CCSER1: variants seen among roughly 807,000 people sequenced by gnomAD.
The protein encoded by CCSER1 is serine-rich coiled-coil domain-containing protein 1.
CCSER1 carries 41 observed loss-of-function variants against 82.0 expected under a neutral mutation model. That is an observed-to-expected ratio of 0.50 (90% confidence interval 0.39 to 0.65). The LOEUF is 0.65. Among genes scored for constraint, CCSER1 ranks in the 30% least tolerant of loss-of-function variants. The pLI, the probability that CCSER1 is intolerant of heterozygous loss-of-function variation, is 0.00. For synonymous variants in CCSER1, 414 were observed against 383.9 expected, an observed-to-expected ratio of 1.08 and a Z score of -0.92; for missense variants, 1,119 against 1,064.2, an observed-to-expected ratio of 1.05 and a Z score of -0.72.
intron 10 of CCSER1, among the ~76,000 whole-genome samples, chr4:91,151,348 G>T (rs917966509): frequency 6.6e-6 from 1 of 151,852 alleles, no homozygotes; most frequent in Admixed American, 6.6e-5. Flanking sequence ...CATCTATTTT[G>T]TTCTTCTCTT....
Position 91,377,412 on chromosome 4 carries a change from T to C in CCSER1, c.2218-221160T>C, listed in dbSNP as rs573859983. ...TTCTCTACATCCTCTCCAGCACCTG[T>C]TGTTTCCTGACTTTTTAATGATCAC... is the stretch of plus-strand genomic sequence containing the variant. On this transcript the variant is annotated intron_variant, in intron 10 of 10. Transcript: ENST00000509176. Among the ~76,000 whole-genome samples, 139 of 152,250 alleles carry C rather than the reference T, an allele frequency of 9.1e-4. 1 individual carries two copies. The Middle Eastern group carries it at 0.014, about 15-fold the overall frequency.
At chr4:90,622,470 C>T (rs1279140742) in intron 5 of CCSER1, among the ~76,000 whole-genome samples, 1 of 152,122 alleles carries the variant, frequency 6.6e-6, no homozygotes, top group African/African-American at 2.4e-5. Context: ...TTCCTGTGTC[C>T]AAGTGTTCTC....
Position 90,991,746 on chromosome 4 carries a change from T to G in CCSER1, c.2172+68299T>G, listed in dbSNP as rs1737051507. Among the ~76,000 whole-genome samples the G allele has an allele frequency of 2.0e-5, 3 of 152,034 alleles. No homozygotes were observed. The South Asian group carries it at 6.2e-4, about 31-fold the overall frequency. ...GACTTAGGACTTCAACATATCTTTTTAGGAAACACAATTCAATCCACAACA... is the reference window on the plus strand; with the variant it reads ...GACTTAGGACTTCAACATATCTTTTGAGGAAACACAATTCAATCCACAACA... On this transcript the variant is annotated intron_variant, in intron 9 of 10. Transcript: ENST00000509176.
chr4:91,181,492 C>G (rs1247532517), intron 10 of CCSER1, among the ~76,000 whole-genome samples: 1 of 152,150 alleles, frequency 6.6e-6, no homozygotes, highest in Non-Finnish European at 1.5e-5. Flanking sequence ...TGTCAAGCTC[C>G]TAGAGTAGGC....
In CCSER1 at chr4:90,276,271, C is replaced by A. The variant is rs1229854311; in HGVS notation, c.-41-31973C>A. Among the ~76,000 whole-genome samples, 3 of 117,502 alleles carry A rather than the reference C, an allele frequency of 2.6e-5. No individual in the cohort carries two copies. The South Asian group carries it at 9.2e-4, about 36-fold the overall frequency. 77.1% of individuals were successfully genotyped at this position (117,502 alleles called of 152,430 possible). A position where few individuals can be genotyped will look rare whatever the true frequency, so the allele number is the denominator to read the frequency against. On this transcript the variant is annotated intron_variant, in intron 1 of 10. Transcript: ENST00000509176. ...CTTTCTTTCCTTCCTTCCTTCCTTC[C>A]TTCCTTCCTTCCTTCCTTCCTTCCT...
intron 10 of CCSER1, among the ~76,000 whole-genome samples, chr4:91,370,910 G>A (rs1376231522): frequency 2.6e-5 from 4 of 152,034 alleles, no homozygotes; most frequent in Non-Finnish European, 4.4e-5. Context: ...CGCCCAGGTT[G>A]GAGTGCTATA....
At chr4:91,579,067 CT>C (rs1025319808) in intron 10 of CCSER1, among the ~76,000 whole-genome samples, 23 of 151,614 alleles carry the variant, frequency 1.5e-4, no homozygotes, top group African/African-American at 5.3e-4. Context: ...TTGCATCGTC[CT>C]TTATTTTCCT....
At chr4:90,530,826 C>T (rs912995291) in intron 5 of CCSER1, among the ~76,000 whole-genome samples, 55 of 152,084 alleles carry the variant, frequency 3.6e-4, no homozygotes, top group Non-Finnish European at 6.0e-4. Flanking sequence ...TCGGCAGTTT[C>T]CTTTTGCTAG....
At position 90,561,424 on chromosome 4, in the gene CCSER1, C is replaced by T. The variant is rs535300668; in HGVS notation, c.1725-66601C>T. Among the ~76,000 whole-genome samples the T allele has an allele frequency of 2.0e-5, 3 of 152,278 alleles. No homozygotes were observed. The East Asian group carries it at 5.8e-4, about 29-fold the overall frequency. The stretch of plus-strand genomic sequence containing the variant: ...TTTAATGTTTATATCTTTAATTTAG[C>T]TGAAAGATGTGTAAAATCTCATATA... On this transcript the variant is annotated intron_variant, in intron 5 of 10. Transcript: ENST00000509176.
intron 5 of CCSER1, among the ~76,000 whole-genome samples, chr4:90,580,032 A>G (rs1355266000): frequency 6.6e-6 from 1 of 152,196 alleles, no homozygotes; most frequent in African/African-American, 2.4e-5. Context: ...CGGTTCTTAG[A>G]AAAACTAATT....
intron 9 of CCSER1, among the ~76,000 whole-genome samples, chr4:90,947,612 T>TC (rs1447302435): frequency 1.3e-5 from 2 of 152,182 alleles, no homozygotes; most frequent in Non-Finnish European, 2.9e-5. Context: ...TTTTAACTAT[T>TC]AAAACAGTCA....
intron 10 of CCSER1, among the ~76,000 whole-genome samples, chr4:91,450,394 C>T (rs1489111979): frequency 1.3e-5 from 2 of 152,016 alleles, no homozygotes; most frequent in Non-Finnish European, 2.9e-5. Context: ...TTAGGAAGGA[C>T]TTCCATTTAT....
At chr4:90,749,480 T>C (rs1307701343) in intron 7 of CCSER1, among the ~76,000 whole-genome samples, 2 of 152,018 alleles carry the variant, frequency 1.3e-5, no homozygotes, top group Non-Finnish European at 1.5e-5. Context: ...GTGATGCCTC[T>C]AGCTTTGTTC....
chr4:91,106,451 C>A (rs370871929), intron 10 of CCSER1, among the ~76,000 whole-genome samples: 212 of 152,240 alleles, frequency 1.4e-3, no homozygotes, highest in African/African-American at 5.0e-3. Flanking sequence ...GGACTAATGG[C>A]ATTCCTTGAG....
chr4:91,477,843 ATTC>A lies in CCSER1; in HGVS notation c.2218-120723_2218-120721del, dbSNP rs1757676104. On this transcript the variant is annotated intron_variant, in intron 10 of 10. Coordinates refer to ENST00000509176, the MANE Select transcript of CCSER1 (RefSeq NM_001145065.2). ...GGCTTGGGTAGTATATATGCATCAAATTCTTCTTGTTGATAAACATAAAGATAT... is the reference window on the plus strand; with the variant it reads ...GGCTTGGGTAGTATATATGCATCAAATTCTTGTTGATAAACATAAAGATAT... Among the ~76,000 whole-genome samples, 7 of 151,930 alleles carry A rather than the reference ATTC, an allele frequency of 4.6e-5. No individual in the cohort carries two copies. The South Asian group carries it at 1.5e-3, about 31-fold the overall frequency.
intron 8 of CCSER1, among the ~76,000 whole-genome samples, chr4:90,891,881 A>G (rs1349162238): frequency 1.3e-5 from 2 of 152,094 alleles, no homozygotes; most frequent in Non-Finnish European, 2.9e-5. Flanking sequence ...TCATTTTGAC[A>G]GTTCCTTAAA....
intron 10 of CCSER1, among the ~76,000 whole-genome samples, chr4:91,349,068 C>T (rs879316397): frequency 4.6e-5 from 7 of 152,052 alleles, no homozygotes; most frequent in African/African-American, 1.7e-4. Flanking sequence ...CCACCGTGCC[C>T]GGCTAACTTT....
At chr4:90,423,668 G>A (rs1757060492) in intron 4 of CCSER1, among the ~76,000 whole-genome samples, 1 of 152,002 alleles carries the variant, frequency 6.6e-6, no homozygotes, top group African/African-American at 2.4e-5. Context: ...GTAGAGACGG[G>A]ATTTTACCAT....
At chr4:91,234,662 A>G (rs774730129) in intron 10 of CCSER1, among the ~76,000 whole-genome samples, 2 of 152,166 alleles carry the variant, frequency 1.3e-5, no homozygotes, top group Non-Finnish European at 2.9e-5. Context: ...GAGAATTTAT[A>G]GCAAGAAAAT....
Sources: allele counts gnomAD v4.1 joint callset (sites outside exome capture counted in the v4.1 genomes callset), GRCh38; gene constraint gnomAD v4.1.1; transcripts MANE v1.5; gene names NCBI Gene and HGNC (gene_info 2026-07-23, HGNC 2026-07-21).